The following LDB2 variants were observed in gnomAD, a reference collection of about 807,000 sequenced individuals.
LDB2 encodes LIM domain-binding protein 2.
In LDB2, 12 loss-of-function variants were observed where a neutral mutation model predicts 44.3. That is an observed-to-expected ratio of 0.27 (90% CI 0.17 to 0.44). The LOEUF is 0.44. LDB2 is among the 20% of genes least tolerant of loss of function. The probability of loss-of-function intolerance (pLI) is 1.00; values close to 1 mark genes in which losing one functional copy is unlikely to be tolerated. For synonymous variants in LDB2, 164 were observed against 174.8 expected, an observed-to-expected ratio of 0.94 and a Z score of 0.49; for missense variants, 344 against 473.5, an observed-to-expected ratio of 0.73 and a Z score of 2.54.
At chr4:16,651,524 C>T (rs541497159) in intron 2 of LDB2, among the ~76,000 whole-genome samples, 7 of 151,984 alleles carry the variant, frequency 4.6e-5, no homozygotes, top group African/African-American at 7.2e-5. Flanking sequence ...AACACAGGAA[C>T]GGCTAGACTG....
intron 2 of LDB2, among the ~76,000 whole-genome samples, chr4:16,737,768 C>T (rs1326364877): frequency 1.3e-5 from 2 of 152,072 alleles, no homozygotes; most frequent in Non-Finnish European, 2.9e-5. Flanking sequence ...AGGGTATAAA[C>T]AAAAATGTTG....
chr4:16,675,216 C>G (rs79818056), intron 2 of LDB2, among the ~76,000 whole-genome samples: 8,455 of 152,234 alleles, frequency 0.056, 395 homozygotes, highest in East Asian at 0.25. Context: ...AGATGACAAC[C>G]AAGGAATTGC....
intron 7 of LDB2, 51 bp from the exon 8 acceptor site, chr4:16,502,924 T>C (rs1037476668): frequency 6.2e-7 from 1 of 1,607,700 alleles, no homozygotes; most frequent in Admixed American, 1.7e-5. Flanking sequence ...AGAGAGAAGC[T>C]CAGCTTAAAA....
intron 2 of LDB2, among the ~76,000 whole-genome samples, chr4:16,685,138 C>T (rs1255942049): frequency 6.6e-6 from 1 of 152,130 alleles, no homozygotes; most frequent in Non-Finnish European, 1.5e-5. Context: ...TTAGAACTTT[C>T]TGTATAAAAT....
intron 1 of LDB2, among the ~76,000 whole-genome samples, chr4:16,808,817 G>A (rs915900638): frequency 6.6e-6 from 1 of 152,072 alleles, no homozygotes; most frequent in Non-Finnish European, 1.5e-5. Context: ...TGTATTACAC[G>A]CATTAGTACA....
chr4:16,775,432 T>C (rs1771676655), intron 1 of LDB2, among the ~76,000 whole-genome samples: 1 of 152,180 alleles, frequency 6.6e-6, no homozygotes, highest in Non-Finnish European at 1.5e-5. Context: ...CAGTCTCATC[T>C]GCCTTCACTG....
chr4:16,694,225 G>A (rs1751553079), intron 2 of LDB2, among the ~76,000 whole-genome samples: 2 of 152,192 alleles, frequency 1.3e-5, no homozygotes, highest in Non-Finnish European at 2.9e-5. Context: ...ATGGATTCCT[G>A]ACCCTGATGG....
In LDB2 at chr4:16,698,025, A is replaced by G. The variant is rs372525954; in HGVS notation, c.235+61133T>C. Among the ~76,000 whole-genome samples, 12 of 152,316 alleles carry G rather than the reference A, an allele frequency of 7.9e-5. No homozygotes were observed. In the East Asian group the frequency reaches 9.7e-4, roughly 12 times the overall value. On this transcript the variant is annotated intron_variant, in intron 2 of 7. Transcript: ENST00000304523. ...GTGTGTGTATTCGTTATATAAACAAAATGATAATTTGTGCCCTGTTCAACG... is the reference window on the plus strand; with the variant it reads ...GTGTGTGTATTCGTTATATAAACAAGATGATAATTTGTGCCCTGTTCAACG...
At chr4:16,860,961 G>A (rs1450639288) in intron 1 of LDB2, among the ~76,000 whole-genome samples, 2 of 152,034 alleles carry the variant, frequency 1.3e-5, no homozygotes, top group Non-Finnish European at 1.5e-5. Context: ...AGCAGCATTC[G>A]TCTTGACACA....
chr4:16,813,774 T>G (rs1780349064), intron 1 of LDB2, among the ~76,000 whole-genome samples: 1 of 152,082 alleles, frequency 6.6e-6, no homozygotes, highest in Non-Finnish European at 1.5e-5. Flanking sequence ...AATTATGGAG[T>G]TATTTCCATC....
At chr4:16,759,429 G>C (rs567342268) in intron 1 of LDB2, 169 bp from the exon 2 acceptor site, 2 of 570,198 alleles carry the variant, frequency 3.5e-6, no homozygotes, top group East Asian at 5.6e-5. Context: ...CAAATTAATT[G>C]CCTCAAATAG....
intron 5 of LDB2, among the ~76,000 whole-genome samples, chr4:16,550,111 T>C (rs1737142097): frequency 6.6e-6 from 1 of 152,226 alleles, no homozygotes; most frequent in Non-Finnish European, 1.5e-5. Context: ...GTAAGTTAAA[T>C]AAACATGTTA....
chr4:16,529,021 A>G (rs922053662), intron 5 of LDB2, among the ~76,000 whole-genome samples: 3 of 152,126 alleles, frequency 2.0e-5, no homozygotes, highest in Non-Finnish European at 4.4e-5. Flanking sequence ...GATGACTATA[A>G]AACTCTTTTA....
At chr4:16,868,192 G>A (rs1715329901) in intron 1 of LDB2, among the ~76,000 whole-genome samples, 1 of 152,122 alleles carries the variant, frequency 6.6e-6, no homozygotes, top group African/African-American at 2.4e-5. Context: ...CGTCAGTTGA[G>A]CCTGAGTAAT....
chr4:16,541,456 G>A (rs1733738949), intron 5 of LDB2, among the ~76,000 whole-genome samples: 1 of 152,152 alleles, frequency 6.6e-6, no homozygotes, highest in Non-Finnish European at 1.5e-5. Flanking sequence ...GCAGAACCAT[G>A]AGCTGATTGG....
chr4:16,557,924 T>G (rs1740384074), intron 5 of LDB2, among the ~76,000 whole-genome samples: 2 of 152,224 alleles, frequency 1.3e-5, no homozygotes, highest in Admixed American at 6.5e-5. Context: ...TCCGCTGTTC[T>G]GCAGACACCG....
intron 2 of LDB2, among the ~76,000 whole-genome samples, chr4:16,731,762 C>A (rs73125869): frequency 0.029 from 4,490 of 152,266 alleles, 107 homozygotes; most frequent in African/African-American, 0.065. Context: ...CCTCCTCAGC[C>A]TGCTTTAGTC....
chr4:16,840,056 T>G (rs541658444), intron 1 of LDB2, among the ~76,000 whole-genome samples: 1 of 152,328 alleles, frequency 6.6e-6, no homozygotes, highest in South Asian at 2.1e-4. Flanking sequence ...TCTATAGCCC[T>G]CCTCACTTTA....
chr4:16,853,470 A>T (rs997319844), intron 1 of LDB2, among the ~76,000 whole-genome samples: 1 of 152,196 alleles, frequency 6.6e-6, no homozygotes, highest in Non-Finnish European at 1.5e-5. Flanking sequence ...GTTACCAAAA[A>T]GTCAAAAGAT....
Sources: allele counts gnomAD v4.1 joint callset (sites outside exome capture counted in the v4.1 genomes callset), GRCh38; gene constraint gnomAD v4.1.1; transcripts MANE v1.5; gene names NCBI Gene and HGNC (gene_info 2026-07-23, HGNC 2026-07-21).